KCNQ2: variants seen among roughly 807,000 people sequenced by gnomAD.
KCNQ2 encodes the protein potassium voltage-gated channel subfamily Q member 2.
In KCNQ2, 14 loss-of-function variants were observed where a neutral mutation model predicts 84.8. That is an observed-to-expected ratio of 0.17 (90% CI 0.11 to 0.26). The LOEUF is 0.26. Among genes scored for constraint, KCNQ2 ranks in the 10% least tolerant of loss-of-function variants. The probability of loss-of-function intolerance (pLI) is 1.00; values close to 1 mark genes in which losing one functional copy is unlikely to be tolerated. For missense variants in KCNQ2, 788 were observed against 1,254.0 expected (o/e 0.63, Z 5.61); for synonymous variants, 599 against 554.1 (o/e 1.08, Z -1.14).
rs796052662 is a variant in KCNQ2, at chr20:63,406,679, A to G, written c.2584T>C (p.Phe862Leu). 2 of 1,603,456 alleles carry G rather than the reference A, an allele frequency of 1.2e-6. No individual in the cohort carries two copies. Among genetic ancestry groups the G allele is most frequent in the Non-Finnish European group, 1.7e-6 (2 of 1,177,118 alleles). The change falls in exon 17 of 17, where the codon TTT becomes CTT. Residue 862 changes from phenylalanine (F) to leucine (L), a missense_variant. Phe to Leu is a conservative substitution (Grantham distance 22). Coordinates refer to ENST00000359125, the MANE Select transcript of KCNQ2 (RefSeq NM_172107.4). ...PPRSATGEGP[F>L]GDVGWAGPRK ...GGCCCGGCCCAGCCCACGTCACCAA[A>G]GGGACCCTCGCCGGTGGCCGAGCGT...
intron 5 of KCNQ2, chr20:63,439,923 G>T (rs540509828): frequency 7.8e-5 from 49 of 625,504 alleles, no homozygotes; most frequent in African/African-American, 7.8e-4. Flanking sequence ...CAGAAGCGGG[G>T]TCCAGCCAAA....
In KCNQ2 at chr20:63,460,576, G is replaced by A. The variant is rs922115142; in HGVS notation, c.296+11592C>T. On this transcript the variant is annotated intron_variant, in intron 1 of 16. Transcript: ENST00000359125. The surrounding 1 kb of genome is among the most constrained non-coding windows in gnomAD (Gnocchi z 5.4). ...AACGTCCTAGTGAGTGCTCTCTCTCGGCCTCCACTTGCACACCTCCGGCGA... is the reference window on the plus strand; with the variant it reads ...AACGTCCTAGTGAGTGCTCTCTCTCAGCCTCCACTTGCACACCTCCGGCGA... Among the ~76,000 whole-genome samples the A allele has an allele frequency of 2.1e-4, 32 of 151,970 alleles. No homozygotes were observed. The highest frequency in any genetic ancestry group is 1.3e-3 in the Admixed American group (20 of 15,264).
At chr20:63,452,264 G>A (rs2081635968) in intron 1 of KCNQ2, among the ~76,000 whole-genome samples, 1 of 152,246 alleles carries the variant, frequency 6.6e-6, no homozygotes, top group Non-Finnish European at 1.5e-5. Context: ...TACACCCCGA[G>A]GACGTCCCAG....
intron 1 of KCNQ2, chr20:63,471,756 G>A (rs959255297): frequency 1.4e-5 from 2 of 146,606 alleles, no homozygotes; most frequent in African/African-American, 2.6e-5. Flanking sequence ...CCTCCCCCCC[G>A]CCCTCGCTTG....
chr20:63,440,732 C>T (rs915845889), intron 5 of KCNQ2, among the ~76,000 whole-genome samples: 8 of 152,120 alleles, frequency 5.3e-5, no homozygotes, highest in Non-Finnish European at 7.4e-5. Flanking sequence ...CCGGCTGGGC[C>T]GCACCTGCTC....
At chr20:63,432,584 ATCCACCCACAGGGAAGGC>A (rs1347495343) in intron 8 of KCNQ2, among the ~76,000 whole-genome samples, 5,067 of 31,286 alleles carry the variant, frequency 0.16, 574 homozygotes, top group East Asian at 0.45. Context: ...TCAGGGAAGG[ATCCACCCACAGGGAAGGC>A]TCCACCCACA....
intron 1 of KCNQ2, among the ~76,000 whole-genome samples, chr20:63,456,349 C>T (rs948307071): frequency 6.6e-6 from 1 of 152,208 alleles, no homozygotes; most frequent in Admixed American, 6.5e-5. Context: ...GGGTCTGGGC[C>T]CCCCGAGTCA....
At chr20:63,435,270 C>T (rs1308511382) in intron 7 of KCNQ2, among the ~76,000 whole-genome samples, 1 of 152,080 alleles carries the variant, frequency 6.6e-6, no homozygotes, top group African/African-American at 2.4e-5. Flanking sequence ...CACCTGTAGT[C>T]CCAGTTACTC....
At chr20:63,452,946 T>G (rs1180028942) in intron 1 of KCNQ2, among the ~76,000 whole-genome samples, 1 of 152,092 alleles carries the variant, frequency 6.6e-6, no homozygotes, top group Non-Finnish European at 1.5e-5. Context: ...CCAGGAAGAA[T>G]AGTCCCTGCA....
At chr20:63,465,127 T>C (rs951213671) in intron 1 of KCNQ2, among the ~76,000 whole-genome samples, 1 of 152,256 alleles carries the variant, frequency 6.6e-6, no homozygotes, top group Non-Finnish European at 1.5e-5. Context: ...CTCTGTGGCC[T>C]GCCAGACCTC....
Position 63,442,421 on chromosome 20 carries a change from T to C in KCNQ2, c.801A>G (p.Ala267=). 1.7e-5 allele frequency: 27 copies of C among 1,613,584 alleles called. No individual in the cohort carries two copies. The highest frequency in any genetic ancestry group is 2.1e-5 in the Non-Finnish European group (25 of 1,179,900). The change falls in exon 5 of 17, where the codon GCA becomes GCG. Residue 267 remains alanine (A), a synonymous_variant. Transcript: ENST00000359125. ...ENDHFDTYAD[A]LWWGLITLTT... is the part of the protein sequence containing the mutation. ...CACAACTCACCAGGCCCCACCAGAG[T>C]GCATCCGCGTAGGTGTCAAAGTGGT...
chr20:63,442,451 C>T lies in KCNQ2; in HGVS notation c.771G>A (p.Glu257=), dbSNP rs772813344. 1.9e-6 allele frequency: 3 copies of T among 1,613,702 alleles called. No homozygotes were observed. Among genetic ancestry groups the T allele is most frequent in the Admixed American group, 1.7e-5 (1 of 59,978 alleles). The change falls in exon 5 of 17, where the codon GAG becomes GAA. Residue 257 remains glutamate (E), a synonymous_variant. Transcript: ENST00000359125. Reference sequence around the variant, plus strand: ...CCGCGTAGGTGTCAAAGTGGTCGTTCTCCCCCTTCTCTGCCAAGTACACCA... The same window carrying T: ...CCGCGTAGGTGTCAAAGTGGTCGTTTTCCCCCTTCTCTGCCAAGTACACCA... The part of the protein sequence containing the change: ...SFLVYLAEKG[E]NDHFDTYADA...
At position 63,459,592 on chromosome 20, in the gene KCNQ2, G is replaced by C. The variant is rs2145859637; in HGVS notation, c.296+12576C>G. ...ACCGGCAACTGCCAGGGACAGGGTG[G>C]GGCACACGATGGCAGAGGGCAAGAG... On this transcript the variant is annotated intron_variant, in intron 1 of 16. Coordinates refer to ENST00000359125, the MANE Select transcript of KCNQ2 (RefSeq NM_172107.4). 3.3e-5 allele frequency: 5 copies of C among 152,250 alleles called. No homozygotes were observed. In the Middle Eastern group the frequency reaches 0.014, roughly 414 times the overall value. 9.4% of individuals were successfully genotyped at this position (152,250 alleles called of 1,614,324 possible). A position where few individuals can be genotyped will look rare whatever the true frequency, so the allele number is the denominator to read the frequency against.
Position 63,425,666 on chromosome 20 carries a change from G to A in KCNQ2, c.1218-1460C>T, listed in dbSNP as rs1047086958. Among the ~76,000 whole-genome samples the A allele has an allele frequency of 1.3e-5, 2 of 152,124 alleles. No individual in the cohort carries two copies. The highest frequency in any genetic ancestry group is 2.9e-5 in the Non-Finnish European group (2 of 68,020). Reference sequence around the variant, plus strand: ...ACCCAGGAGGCAGAGGTTGCAGTAAGCTGTGATTGCGCCACTGCACTCCAG... The same window carrying A: ...ACCCAGGAGGCAGAGGTTGCAGTAAACTGTGATTGCGCCACTGCACTCCAG... On this transcript the variant is annotated intron_variant, in intron 10 of 16. Transcript: ENST00000359125. The surrounding 1 kb of genome is among the most constrained non-coding windows in gnomAD (Gnocchi z 5.5).
Position 63,472,520 on chromosome 20 carries a change from G to T in KCNQ2, c.-57C>A. On this transcript the variant is annotated 5_prime_UTR_variant, in exon 1 of 17. Transcript: ENST00000359125. ...TCAGGCTCAGCGGGGGCGGAGCGCG[G>T]GGGGCGGCGCGGGCCCCAGCCCAGG... 1 of 1,340,706 alleles carries T rather than the reference G, an allele frequency of 7.5e-7. No individual in the cohort carries two copies. The highest frequency in any genetic ancestry group is 9.5e-7 in the Non-Finnish European group (1 of 1,049,208). 83.1% of individuals were successfully genotyped at this position (1,340,706 alleles called of 1,614,324 possible). A position where few individuals can be genotyped will look rare whatever the true frequency, so the allele number is the denominator to read the frequency against.
chr20:63,466,024 A>C (rs2082073005), intron 1 of KCNQ2, among the ~76,000 whole-genome samples: 1 of 152,142 alleles, frequency 6.6e-6, no homozygotes, highest in Admixed American at 6.5e-5. Flanking sequence ...TTCACAGCTT[A>C]AGGGGTTCCC....
At chr20:63,464,784 A>T (rs1463348878) in intron 1 of KCNQ2, among the ~76,000 whole-genome samples, 1 of 152,200 alleles carries the variant, frequency 6.6e-6, no homozygotes, top group Non-Finnish European at 1.5e-5. Flanking sequence ...TCCGCATTCA[A>T]ACTTGCCAGC....
rs1377851187 is a variant in KCNQ2 at position 63,446,578 on chromosome 20, C to T, written c.387+169G>A. On this transcript the variant is annotated intron_variant, in intron 2 of 16. Coordinates refer to ENST00000359125, the MANE Select transcript of KCNQ2 (RefSeq NM_172107.4). This position sits in a 1 kb window ranked among gnomAD's most constrained non-coding sequence, Gnocchi z 5.5. The stretch of plus-strand genomic sequence containing the variant: ...GCCAGGGTGGGGCTGGGGCATAGCC[C>T]GGGCTGTGGGGCTGGGGGCAGATGG... Among the ~76,000 whole-genome samples the T allele has an allele frequency of 2.6e-5, 4 of 151,884 alleles. No homozygotes were observed. Among genetic ancestry groups the T allele is most frequent in the East Asian group, 1.9e-4 (1 of 5,166 alleles).
chr20:63,458,488 G>A (rs762817868), intron 1 of KCNQ2, among the ~76,000 whole-genome samples: 10 of 152,116 alleles, frequency 6.6e-5, no homozygotes, highest in African/African-American at 1.4e-4. Flanking sequence ...TCCCAGAGCC[G>A]CCCCCTCATC....
Sources: allele counts gnomAD v4.1 joint callset (sites outside exome capture counted in the v4.1 genomes callset), GRCh38; gene constraint gnomAD v4.1.1; non-coding constraint Gnocchi (gnomAD v3.1); transcripts MANE v1.5; gene names NCBI Gene and HGNC (gene_info 2026-07-23, HGNC 2026-07-21).